Variants in ESCO2 observed in about 807,000 individuals in gnomAD.
ESCO2 encodes N-acetyltransferase ESCO2.
Under a neutral mutation model 61.7 loss-of-function variants are expected in ESCO2, and 51 were observed. That is an observed-to-expected ratio of 0.83 (90% CI 0.66 to 1.04). ESCO2 has a LOEUF of 1.04. Among genes scored for constraint, ESCO2 ranks in the 50% least tolerant of loss-of-function variants. The probability of loss-of-function intolerance (pLI) is 0.00; values close to 1 mark genes in which losing one functional copy is unlikely to be tolerated. For synonymous variants in ESCO2, 230 were observed against 238.2 expected, an observed-to-expected ratio of 0.97 and a Z score of 0.32; for missense variants, 692 against 686.2, an observed-to-expected ratio of 1.01 and a Z score of -0.09.
chr8:27,780,409 A>G (rs1804900807), intron 4 of ESCO2, 142 bp downstream of exon 4: 3 of 641,258 alleles, frequency 4.7e-6, no homozygotes, highest in East Asian at 2.9e-5. Flanking sequence ...TCTCTGTGAC[A>G]CTGTTTTCTG....
intron 10 of ESCO2, among the ~76,000 whole-genome samples, chr8:27,802,262 G>GT (rs1222458267): frequency 6.6e-6 from 1 of 151,136 alleles, no homozygotes; most frequent in African/African-American, 2.4e-5. Context: ...ATGCAGATTA[G>GT]TTTTTCCCTT....
intron 2 of ESCO2, 76 bp from the exon 3 acceptor site, chr8:27,776,285 AG>A: frequency 1.6e-6 from 2 of 1,221,566 alleles, no homozygotes; most frequent in Non-Finnish European, 2.3e-6. Flanking sequence ...ACCTACAAGT[AG>A]AGCTTACTTA....
downstream of ESCO2, among the ~76,000 whole-genome samples, chr8:27,805,502 GTTTT>G (rs1361461388): frequency 6.6e-6 from 1 of 151,854 alleles, no homozygotes; most frequent in Admixed American, 6.5e-5. Context: ...TTGGTTGGGT[GTTTT>G]TTGTTTGTTT....
rs1805504281 is a variant in ESCO2, at chr8:27,803,653, A to G, written c.*215A>G. 1.5e-6 allele frequency: 2 copies of G among 1,344,538 alleles called. No homozygotes were observed. The highest frequency in any genetic ancestry group is 1.5e-5 in the African/African-American group (1 of 67,182). 83.3% of individuals were successfully genotyped at this position (1,344,538 alleles called of 1,614,324 possible). Reference sequence around the variant, plus strand: ...GAAAATTATCTGGGGATTCAAAGGAAAAATCTTTGGGTGATTCCCTGATTA... The same window carrying G: ...GAAAATTATCTGGGGATTCAAAGGAGAAATCTTTGGGTGATTCCCTGATTA... On this transcript the variant is annotated 3_prime_UTR_variant, in exon 11 of 11. Transcript: ENST00000305188.
chr8:27,778,182 A>G (rs368245119), intron 3 of ESCO2: 8 of 152,262 alleles, frequency 5.3e-5, no homozygotes, highest in Non-Finnish European at 8.8e-5. Context: ...CAGGCTGAGT[A>G]TCATACCATT....
At chr8:27,796,381 C>T (rs571244168) in intron 9 of ESCO2, among the ~76,000 whole-genome samples, 101 of 152,098 alleles carry the variant, frequency 6.6e-4, no homozygotes, top group African/African-American at 1.8e-3. Flanking sequence ...CTTCATTTTG[C>T]GAATCTTTTC....
upstream of ESCO2, chr8:27,772,214 C>T: frequency 3.7e-6 from 2 of 545,388 alleles, no homozygotes; most frequent in South Asian, 2.2e-5. Context: ...AGCCCACAGG[C>T]TCTGCCCAAT....
chr8:27,799,133 A>G (rs1053443584), intron 9 of ESCO2, among the ~76,000 whole-genome samples: 1 of 33,968 alleles, frequency 2.9e-5, no homozygotes, highest in African/African-American at 1.0e-4. Flanking sequence ...CTATTTCAAA[A>G]TAAAAATGTT....
Position 27,776,391 on chromosome 8 carries a change from C to T in ESCO2, c.83C>T (p.Pro28Leu), listed in dbSNP as rs1804789629. 1.9e-6 allele frequency: 3 copies of T among 1,607,448 alleles called. No homozygotes were observed. Among genetic ancestry groups the T allele is most frequent in the Middle Eastern group, 1.7e-4 (1 of 6,038 alleles). ...SLLHFTENLFPSPNKKHCFYQ... is the reference protein window; with the variant it reads ...SLLHFTENLFLSPNKKHCFYQ... Reference sequence around the variant, plus strand: ...TTACACTTCACTGAAAATCTGTTTCCATCACCTAATAAAAAGCACTGTTTT... The same window carrying T: ...TTACACTTCACTGAAAATCTGTTTCTATCACCTAATAAAAAGCACTGTTTT... The change falls in exon 3 of 11, where the codon CCA (proline) becomes CTA (leucine). Residue 28 changes from proline to leucine, a missense_variant. Transcript: ENST00000305188.
downstream of ESCO2, among the ~76,000 whole-genome samples, chr8:27,816,384 TTTA>T (rs1163948546): frequency 9.7e-4 from 49 of 50,732 alleles, no homozygotes; most frequent in Admixed American, 4.5e-3. Flanking sequence ...TTTATTTTAA[TTTA>T]TTTTTTTTTG....
downstream of ESCO2, chr8:27,810,359 A>C (rs767340181): frequency 6.2e-7 from 1 of 1,612,736 alleles, no homozygotes; most frequent in Admixed American, 1.7e-5. Flanking sequence ...GACGATCTTT[A>C]GGGTCTTCAT....
At chr8:27,792,434 C>T (rs1259201463) in intron 8 of ESCO2, among the ~76,000 whole-genome samples, 1 of 152,068 alleles carries the variant, frequency 6.6e-6, no homozygotes, top group Non-Finnish European at 1.5e-5. Flanking sequence ...TTATCCCTCC[C>T]AGGTGTCTCA....
chr8:27,775,376 G>T, intron 1 of ESCO2, 123 bp from the exon 2 acceptor site: 1 of 852,996 alleles, frequency 1.2e-6, no homozygotes, highest in Non-Finnish European at 2.0e-6. Flanking sequence ...GAGCAATGTC[G>T]AGGAAGACCT....
Position 27,792,666 on chromosome 8 carries a change from A to G in ESCO2, c.1354-2A>G. The G allele has an allele frequency of 6.2e-7, 1 of 1,612,064 alleles. No homozygotes were observed. The stretch of plus-strand genomic sequence containing the variant: ...ACCTGTCTTGGTTTTTAAAATCATT[A>G]GGTAGAAGATGTCCAAGAACTTGTT... On this transcript the variant is annotated splice_acceptor_variant, in intron 8 of 10. Coordinates refer to ENST00000305188, the MANE Select transcript of ESCO2 (RefSeq NM_001017420.3). LOFTEE classifies it high-confidence loss of function.
intron 9 of ESCO2, among the ~76,000 whole-genome samples, chr8:27,798,458 CT>C (rs1318628238): frequency 1.7e-5 from 2 of 114,340 alleles, no homozygotes; most frequent in East Asian, 3.9e-4. Flanking sequence ...GACTCCGTCT[CT>C]TTAAAAAAAA....
At chr8:27,791,816 C>T in intron 7 of ESCO2, 147 bp from the exon 8 acceptor site, 1 of 725,532 alleles carries the variant, frequency 1.4e-6, no homozygotes, top group South Asian at 1.7e-5. Context: ...TATTTCTCTT[C>T]CCACATTACT....
At chr8:27,798,255 C>T (rs1455499160) in intron 9 of ESCO2, among the ~76,000 whole-genome samples, 2 of 152,050 alleles carry the variant, frequency 1.3e-5, no homozygotes, top group African/African-American at 4.8e-5. Flanking sequence ...AGGTCAGGTT[C>T]GAGATCAGCC....
downstream of ESCO2, chr8:27,811,448 CAT>C (rs201475002): frequency 4.7e-3 from 2,232 of 469,922 alleles, 24 homozygotes; most frequent in African/African-American, 0.035. Flanking sequence ...GGTTCAAAGA[CAT>C]GTGTGTGCAA....
Position 27,791,978 on chromosome 8 carries a change from C to T in ESCO2, c.1279C>T (p.Arg427Cys), listed in dbSNP as rs200548692. ...CCTTTGGCAGGGTTGGAAGAAAGAA[C>T]GTGTAGTAGCAGAGTTTTGGGATGG... Reference protein sequence around the residue: ...GIKYVGWKKERVVAEFWDGKI... With the variant: ...GIKYVGWKKECVVAEFWDGKI... Residue 427 changes from arginine to cysteine, a missense_variant, in exon 8 of 11, where the codon CGT (arginine) becomes TGT (cysteine). Physicochemically the swap from Arg to Cys is radical, Grantham distance 180. Transcript: ENST00000305188. The T allele has an allele frequency of 3.9e-5, 63 of 1,613,650 alleles. No homozygotes were observed. The highest frequency in any genetic ancestry group is 4.9e-5 in the Non-Finnish European group (58 of 1,179,942).
Sources: allele counts gnomAD v4.1 joint callset (sites outside exome capture counted in the v4.1 genomes callset), GRCh38; gene constraint gnomAD v4.1.1; transcripts MANE v1.5; gene names NCBI Gene and HGNC (gene_info 2026-07-23, HGNC 2026-07-21).